Variants in HHAT observed in about 807,000 individuals in gnomAD.
HHAT encodes protein-cysteine N-palmitoyltransferase HHAT.
A neutral mutation model predicts 70.8 loss-of-function variants in HHAT; 47 were observed. That is an observed-to-expected ratio of 0.66 (90% CI 0.53 to 0.85). The LOEUF is 0.85. Among genes scored for constraint, HHAT ranks in the 40% least tolerant of loss-of-function variants. The pLI, the probability that HHAT is intolerant of heterozygous loss-of-function variation, is 0.00. For synonymous variants in HHAT, 228 were observed against 247.6 expected (o/e 0.92, Z 0.74); for missense variants, 609 against 604.8 (o/e 1.01, Z -0.07).
chr1:210,494,153 A>G (rs908718290), intron 8 of HHAT, among the ~76,000 whole-genome samples: 5 of 152,218 alleles, frequency 3.3e-5, no homozygotes, highest in Admixed American at 6.5e-5. Context: ...CTACATGTGC[A>G]GTGCTTTGTA....
At chr1:210,514,314 A>G (rs2095015357) in intron 9 of HHAT, among the ~76,000 whole-genome samples, 1 of 152,236 alleles carries the variant, frequency 6.6e-6, no homozygotes, top group Admixed American at 6.5e-5. Context: ...ATCCAGACAC[A>G]GATAGTAGTG....
chr1:210,483,710 TTGTG>T (rs1203438669), intron 8 of HHAT, among the ~76,000 whole-genome samples: 2 of 152,220 alleles, frequency 1.3e-5, no homozygotes, highest in Non-Finnish European at 2.9e-5. Flanking sequence ...TTAAAGTCAG[TTGTG>T]TCCAGCTCAG....
At chr1:210,488,013 C>A (rs559862764) in intron 8 of HHAT, among the ~76,000 whole-genome samples, 22 of 152,298 alleles carry the variant, frequency 1.4e-4, no homozygotes, top group African/African-American at 5.1e-4. Context: ...CATCTGGCTG[C>A]TTCCTCGTGG....
intron 8 of HHAT, among the ~76,000 whole-genome samples, chr1:210,476,771 G>C (rs2094312543): frequency 6.6e-6 from 1 of 151,816 alleles, no homozygotes; most frequent in South Asian, 2.1e-4. Flanking sequence ...AAGATCTGAG[G>C]AACAGCCACA....
intron 10 of HHAT, among the ~76,000 whole-genome samples, chr1:210,601,380 A>G (rs1048552484): frequency 6.6e-6 from 1 of 152,162 alleles, no homozygotes; most frequent in Non-Finnish European, 1.5e-5. Context: ...CTGAGGGAGT[A>G]TAAAGCAAAT....
intron 7 of HHAT, among the ~76,000 whole-genome samples, chr1:210,445,391 A>T (rs1048610431): frequency 6.6e-6 from 1 of 152,148 alleles, no homozygotes; most frequent in Non-Finnish European, 1.5e-5. Context: ...TTACCGTATT[A>T]TGAACTTTTC....
At chr1:210,441,260 C>G (rs1441627142) in intron 7 of HHAT, among the ~76,000 whole-genome samples, 4 of 152,232 alleles carry the variant, frequency 2.6e-5, no homozygotes. Context: ...TTTTAGACAG[C>G]AGCAGCTTGT....
Position 210,674,378 on chromosome 1 carries a change from A to G in HHAT, c.1481A>G (p.Ter494=). 1.2e-6 allele frequency: 2 copies of G among 1,613,332 alleles called. No individual in the cohort carries two copies. The highest frequency in any genetic ancestry group is 2.2e-5 in the South Asian group (2 of 91,062). The change falls in exon 12 of 12, where the codon TAA becomes TGA. Residue 494 remains the stop codon, a stop_retained_variant. Transcript: ENST00000261458. ...TGGGCCCAGACCTACGCCACGGACTAATGCTGTTGGGCCCAGGCCAGTCCT... is the reference window on the plus strand; with the variant it reads ...TGGGCCCAGACCTACGCCACGGACTGATGCTGTTGGGCCCAGGCCAGTCCT... The part of the protein sequence containing the change: ...IAWAQTYATD[*]
At chr1:210,446,337 CA>C (rs1243802538) in intron 7 of HHAT, among the ~76,000 whole-genome samples, 1 of 152,160 alleles carries the variant, frequency 6.6e-6, no homozygotes, top group African/African-American at 2.4e-5. Flanking sequence ...TGAAGCCTTT[CA>C]AATATGTTCT....
chr1:210,535,308 A>C (rs1363941051), intron 9 of HHAT, among the ~76,000 whole-genome samples: 4 of 150,556 alleles, frequency 2.7e-5, no homozygotes. Context: ...AGATTGGGTT[A>C]GATGATTTAT....
chr1:210,340,838 A>G (rs1465992364), intron 1 of HHAT, among the ~76,000 whole-genome samples: 4 of 152,298 alleles, frequency 2.6e-5, no homozygotes, highest in East Asian at 3.9e-4. Context: ...TGAGTCCAGT[A>G]CACTCTGTAA....
chr1:210,440,290 G>A lies in HHAT; in HGVS notation c.856+21965G>A, dbSNP rs966611788. Among the ~76,000 whole-genome samples, 24 of 151,748 alleles carry A rather than the reference G, an allele frequency of 1.6e-4. 1 individual carries two copies. The highest frequency in any genetic ancestry group is 5.8e-4 in the African/African-American group (24 of 41,052). ...TTCCTGTAGGAGGAAAGGGGTGGAA[G>A]GAGGGCCTGACAGAGGGAGGAGCCA... is the stretch of plus-strand genomic sequence containing the variant. On this transcript the variant is annotated intron_variant, in intron 7 of 11. Coordinates refer to ENST00000261458, the MANE Select transcript of HHAT (RefSeq NM_018194.6).
chr1:210,631,021 T>C (rs1210258523), intron 11 of HHAT: 1 of 453,214 alleles, frequency 2.2e-6, no homozygotes, highest in Admixed American at 2.4e-5. Context: ...TTTTTTTTAC[T>C]CAATCCATGT....
chr1:210,359,238 G>A (rs896841068), intron 2 of HHAT, among the ~76,000 whole-genome samples: 1 of 152,164 alleles, frequency 6.6e-6, no homozygotes, highest in African/African-American at 2.4e-5. Context: ...CTCAAAGAAT[G>A]AAGGTCTGAG....
chr1:210,555,419 G>C (rs948670729), intron 9 of HHAT, among the ~76,000 whole-genome samples: 1 of 152,192 alleles, frequency 6.6e-6, no homozygotes, highest in Admixed American at 6.5e-5. Context: ...TAAGTTGTGC[G>C]TAAGACTAGA....
At chr1:210,524,468 C>A (rs1264865362) in intron 9 of HHAT, among the ~76,000 whole-genome samples, 1 of 152,068 alleles carries the variant, frequency 6.6e-6, no homozygotes, top group Non-Finnish European at 1.5e-5. Flanking sequence ...GAAGTGCAAG[C>A]CCCCGCCCCT....
chr1:210,533,586 C>G lies in HHAT; in HGVS notation c.1043+20398C>G, dbSNP rs957903694. On this transcript the variant is annotated intron_variant, in intron 9 of 11. Transcript: ENST00000261458. ...CAGCTTTCTGTCTGTAAGAGCTTCT[C>G]CATCCTATCCTTGATGCATCTTGCT... 3.9e-5 allele frequency among the ~76,000 whole-genome samples: 6 copies of G among 152,202 alleles called. No homozygotes were observed. In the East Asian group the frequency reaches 1.2e-3, roughly 29 times the overall value.
At chr1:210,525,409 T>A (rs994027163) in intron 9 of HHAT, among the ~76,000 whole-genome samples, 6 of 152,164 alleles carry the variant, frequency 3.9e-5, no homozygotes, top group African/African-American at 7.2e-5. Flanking sequence ...ATGCAAACAC[T>A]TGGGGTGCTT....
At chr1:210,519,712 G>T (rs2095121700) in intron 9 of HHAT, among the ~76,000 whole-genome samples, 1 of 151,420 alleles carries the variant, frequency 6.6e-6, no homozygotes, top group African/African-American at 2.4e-5. Flanking sequence ...TTTTTTGGTA[G>T]AGACAAGGTC....
Sources: allele counts gnomAD v4.1 joint callset (sites outside exome capture counted in the v4.1 genomes callset), GRCh38; gene constraint gnomAD v4.1.1; transcripts MANE v1.5; gene names NCBI Gene and HGNC (gene_info 2026-07-23, HGNC 2026-07-21).